Variants in OPRM1 observed in about 807,000 individuals in gnomAD.
The protein encoded by OPRM1 is opioid receptor mu 1, also known as mu-type opioid receptor.
Under a neutral mutation model 31.8 loss-of-function variants are expected in OPRM1, and 27 were observed. That is an observed-to-expected ratio of 0.85 (90% CI 0.63 to 1.17). OPRM1 has a LOEUF of 1.17. Among genes scored for constraint, OPRM1 ranks in the 50% most tolerant of loss-of-function variants. The pLI, the probability that OPRM1 is intolerant of heterozygous loss-of-function variation, is 0.00. For synonymous variants in OPRM1, 196 were observed against 189.9 expected (o/e 1.03, Z -0.26); for missense variants, 536 against 511.1 (o/e 1.05, Z -0.47).
At chr6:154,132,992 G>T (rs72501752), downstream of OPRM1, among the ~76,000 whole-genome samples, 1 of 152,042 alleles carries the variant, frequency 6.6e-6, no homozygotes, top group African/African-American at 2.4e-5. Flanking sequence ...ATGGTGGCAG[G>T]CACCTGTAGC....
intron 1 of OPRM1, among the ~76,000 whole-genome samples, chr6:154,031,566 C>G (rs552255712): frequency 1.2e-3 from 175 of 151,472 alleles, no homozygotes; most frequent in Admixed American, 2.2e-3. Context: ...GAAACCCCAT[C>G]TCTACTAAAA....
chr6:154,160,310 T>G lies in OPRM1; in HGVS notation c.1164+68838T>G, dbSNP rs561274282. Among the ~76,000 whole-genome samples the G allele has an allele frequency of 4.6e-5, 7 of 152,320 alleles. No individual in the cohort carries two copies. In the East Asian group the frequency reaches 9.6e-4, roughly 21 times the overall value. ...TTCTATGTTGCCTTTCCCTGATCAA[T>G]CCATTATTCCACACCACAGTAACAA... On this transcript the variant is annotated intron_variant, in intron 3 of 3. Transcript: ENST00000337049.
At chr6:154,059,596 T>A (rs1237736038) in intron 1 of OPRM1, among the ~76,000 whole-genome samples, 4 of 150,740 alleles carry the variant, frequency 2.7e-5, no homozygotes, top group African/African-American at 7.3e-5. Flanking sequence ...AAAAAAAAAA[T>A]TCCGGTTTTA....
intron 3 of OPRM1, among the ~76,000 whole-genome samples, chr6:154,229,636 G>A (rs1319587985): frequency 6.6e-6 from 1 of 152,032 alleles, no homozygotes; most frequent in Non-Finnish European, 1.5e-5. Flanking sequence ...GATTACAGGC[G>A]TGAGCCACCG....
chr6:154,181,458 T>A (rs755014788), intron 3 of OPRM1, among the ~76,000 whole-genome samples: 1 of 152,222 alleles, frequency 6.6e-6, no homozygotes, highest in Non-Finnish European at 1.5e-5. Flanking sequence ...CAAAGCTCGT[T>A]TTCTTAAATA....
intron 3 of OPRM1, among the ~76,000 whole-genome samples, chr6:154,138,224 A>C (rs1235837041): frequency 6.6e-6 from 1 of 152,188 alleles, no homozygotes; most frequent in Non-Finnish European, 1.5e-5. Context: ...ATTAAATTAG[A>C]CAGTATGCAA....
intron 3 of OPRM1, among the ~76,000 whole-genome samples, chr6:154,241,770 C>T (rs144718227): frequency 1.2e-3 from 182 of 152,226 alleles, no homozygotes; most frequent in African/African-American, 4.0e-3. Flanking sequence ...TCATATTTTT[C>T]GCATGCCAAT....
At chr6:154,203,186 T>C (rs1420164026) in intron 3 of OPRM1, among the ~76,000 whole-genome samples, 1 of 152,108 alleles carries the variant, frequency 6.6e-6, no homozygotes, top group Non-Finnish European at 1.5e-5. Flanking sequence ...GAAGATCAAA[T>C]GAAAGCAGAA....
intron 3 of OPRM1, among the ~76,000 whole-genome samples, chr6:154,235,063 T>G (rs1259226498): frequency 6.6e-6 from 1 of 152,226 alleles, no homozygotes; most frequent in Non-Finnish European, 1.5e-5. Flanking sequence ...GGAAAGCTTT[T>G]AAATGAATCA....
At chr6:154,231,699 C>T (rs1779733945) in intron 3 of OPRM1, among the ~76,000 whole-genome samples, 1 of 152,040 alleles carries the variant, frequency 6.6e-6, no homozygotes, top group African/African-American at 2.4e-5. Context: ...CGAAAAGAAA[C>T]ATGGGAAAAT....
At chr6:154,100,110 T>TATTATCATATTATGACATATATCATAA (rs1562472323) in intron 3 of OPRM1, among the ~76,000 whole-genome samples, 8 of 24,710 alleles carry the variant, frequency 3.2e-4, no homozygotes, top group African/African-American at 9.4e-4. Context: ...GATATATATA[T>TATTATCATATTATGACATATATCATAA]TATATATTAT....
intron 3 of OPRM1, among the ~76,000 whole-genome samples, chr6:154,096,993 T>C (rs1444421610): frequency 6.6e-6 from 1 of 152,256 alleles, no homozygotes; most frequent in African/African-American, 2.4e-5. Flanking sequence ...GTAGCACATT[T>C]ACTGTTTTGT....
intron 3 of OPRM1, among the ~76,000 whole-genome samples, chr6:154,092,381 A>G (rs1562461482): frequency 6.6e-6 from 1 of 152,230 alleles, no homozygotes; most frequent in Non-Finnish European, 1.5e-5. Context: ...CTAAGTAAGT[A>G]AATTTTAAAT....
chr6:154,212,093 A>C lies in OPRM1; in HGVS notation c.1165-34600A>C, dbSNP rs564324007. On this transcript the variant is annotated intron_variant, in intron 3 of 3. Coordinates refer to the OPRM1 transcript ENST00000337049. ...AAAGCACCTACATACATCCTAGTAC[A>C]TGGTAGGTATAAAACCAAAAATCAC... is the stretch of plus-strand genomic sequence containing the variant. Among the ~76,000 whole-genome samples, 20 of 152,330 alleles carry C rather than the reference A, an allele frequency of 1.3e-4. 1 individual carries two copies. In the South Asian group the frequency reaches 3.7e-3, roughly 28 times the overall value.
chr6:154,187,575 T>C (rs970653029), intron 3 of OPRM1, among the ~76,000 whole-genome samples: 1 of 152,238 alleles, frequency 6.6e-6, no homozygotes, highest in South Asian at 2.1e-4. Context: ...CCAGTAGTTA[T>C]TGAAAAACAT....
chr6:154,206,127 CCTGA>C (rs1199007977), intron 3 of OPRM1, among the ~76,000 whole-genome samples: 8 of 152,094 alleles, frequency 5.3e-5, no homozygotes, highest in African/African-American at 1.9e-4. Flanking sequence ...TTATCAGCTG[CCTGA>C]CTAACTCAAA....
intron 1 of OPRM1, among the ~76,000 whole-genome samples, chr6:154,056,199 C>T (rs1049387025): frequency 2.0e-5 from 3 of 152,098 alleles, no homozygotes; most frequent in African/African-American, 7.2e-5. Context: ...GCTCGGCTCA[C>T]TGCAACCTCC....
chr6:154,199,316 CT>C (rs1393976113), intron 3 of OPRM1, among the ~76,000 whole-genome samples: 1 of 152,226 alleles, frequency 6.6e-6, no homozygotes, highest in African/African-American at 2.4e-5. Flanking sequence ...GAATACCAGA[CT>C]ACAAAATCCT....
At chr6:154,151,517 A>G (rs2128541561) in intron 3 of OPRM1, among the ~76,000 whole-genome samples, 2 of 152,262 alleles carry the variant, frequency 1.3e-5, no homozygotes, top group Middle Eastern at 3.4e-3. Context: ...AGTGGCTTTC[A>G]TGTAGCTGAG....
Sources: allele counts gnomAD v4.1 joint callset (sites outside exome capture counted in the v4.1 genomes callset), GRCh38; gene constraint gnomAD v4.1.1; transcripts MANE v1.5; gene names NCBI Gene and HGNC (gene_info 2026-07-23, HGNC 2026-07-21).